The following PPIL6 variants were observed in gnomAD, a reference collection of about 807,000 sequenced individuals.
PPIL6 encodes the protein probable inactive peptidyl-prolyl cis-trans isomerase-like 6.
Under a neutral mutation model 36.8 loss-of-function variants are expected in PPIL6, and 39 were observed. That is an observed-to-expected ratio of 1.06 (90% CI 0.82 to 1.38). The LOEUF (loss-of-function observed/expected upper bound fraction) is 1.38. PPIL6 is among the 40% of genes most tolerant of loss of function. The pLI, the probability that PPIL6 is intolerant of heterozygous loss-of-function variation, is 0.00. For synonymous variants in PPIL6, 123 were observed against 134.1 expected (o/e 0.92, Z 0.57); for missense variants, 368 against 379.1 (o/e 0.97, Z 0.24).
intron 6 of PPIL6, among the ~76,000 whole-genome samples, chr6:109,411,561 C>T (rs1773014801): frequency 6.6e-6 from 1 of 152,232 alleles, no homozygotes; most frequent in Admixed American, 6.5e-5. Context: ...CCAACTATAG[C>T]TGGTCAATTA....
chr6:109,427,559 G>C (rs1000595802), intron 3 of PPIL6, among the ~76,000 whole-genome samples: 1 of 151,968 alleles, frequency 6.6e-6, no homozygotes, highest in Admixed American at 6.6e-5. Context: ...GCTAATTTTT[G>C]TATTTTTGAT....
At chr6:109,438,596 T>TC (rs1774589579) in intron 1 of PPIL6, among the ~76,000 whole-genome samples, 2 of 150,558 alleles carry the variant, frequency 1.3e-5, no homozygotes, top group African/African-American at 4.9e-5. Flanking sequence ...AGTTTTTTGT[T>TC]TTTTTTTTTA....
chr6:109,441,057 C>T (rs946049239), upstream of PPIL6: 1 of 1,555,912 alleles, frequency 6.4e-7, no homozygotes, highest in Non-Finnish European at 8.9e-7. Context: ...GCCGGCCGCC[C>T]CCGTCCCCAC....
intron 2 of PPIL6, among the ~76,000 whole-genome samples, chr6:109,432,502 G>A (rs137952662): frequency 6.6e-6 from 1 of 152,176 alleles, no homozygotes; most frequent in East Asian, 1.9e-4. Flanking sequence ...TCAAACTTTC[G>A]TGGGCAATGA....
intron 6 of PPIL6, among the ~76,000 whole-genome samples, chr6:109,408,121 T>A (rs972088742): frequency 2.0e-5 from 3 of 152,244 alleles, no homozygotes; most frequent in Non-Finnish European, 4.4e-5. Context: ...CCCTGAAGTC[T>A]TGCATGTTGA....
intron 2 of PPIL6, among the ~76,000 whole-genome samples, chr6:109,434,443 G>A (rs1774338240): frequency 6.6e-6 from 1 of 152,132 alleles, no homozygotes. Context: ...GTGTGTGGGT[G>A]TGTGTGTGTC....
At chr6:109,437,633 C>T (rs1159076040) in intron 1 of PPIL6, among the ~76,000 whole-genome samples, 1 of 143,870 alleles carries the variant, frequency 7.0e-6, no homozygotes, top group African/African-American at 2.6e-5. Flanking sequence ...CAGCTCACTG[C>T]AACCTCCGTC....
chr6:109,403,029 A>G (rs1423477509), intron 6 of PPIL6: 2 of 1,525,262 alleles, frequency 1.3e-6, no homozygotes, highest in Admixed American at 4.0e-5. Flanking sequence ...TCGTCTGCTC[A>G]CCTCGGTATT....
At chr6:109,400,400 G>T (rs1772480464) in intron 6 of PPIL6, among the ~76,000 whole-genome samples, 1 of 152,118 alleles carries the variant, frequency 6.6e-6, no homozygotes, top group Admixed American at 6.6e-5. Context: ...GCTTTAGTTT[G>T]TCTTTACCAT....
At chr6:109,402,885 CAAATA>C in intron 6 of PPIL6, 5 of 564,886 alleles carry the variant, frequency 8.9e-6, no homozygotes, top group Non-Finnish European at 1.5e-5. Context: ...TTGTATGCAT[CAAATA>C]AAATGATGTG....
intron 6 of PPIL6, among the ~76,000 whole-genome samples, chr6:109,412,058 A>G (rs370577651): frequency 5.4e-4 from 83 of 152,360 alleles, no homozygotes; most frequent in African/African-American, 1.8e-3. Context: ...GCACCTTTCA[A>G]TCAGACCTGT....
At chr6:109,418,317 T>C (rs879768792) in intron 6 of PPIL6, 1 of 152,762 alleles carries the variant, frequency 6.5e-6, no homozygotes, top group Non-Finnish European at 1.5e-5. Context: ...CCAACCTTCC[T>C]GGGGGCCCCC....
At chr6:109,393,195 C>T (rs528674178) in intron 7 of PPIL6, among the ~76,000 whole-genome samples, 18 of 151,040 alleles carry the variant, frequency 1.2e-4, no homozygotes, top group African/African-American at 4.4e-4. Flanking sequence ...ACCCTCCCCT[C>T]TGTTTTTCTC....
intron 6 of PPIL6, among the ~76,000 whole-genome samples, chr6:109,416,050 G>GGCAGTTGGTGTTTAGGTTA (rs1387752309): frequency 1.3e-5 from 2 of 152,106 alleles, no homozygotes; most frequent in African/African-American, 2.4e-5. Flanking sequence ...CCAAAAGGCT[G>GGCAGTTGGTGTTTAGGTTA]GCAGTTGGTG....
At chr6:109,428,293 G>C (rs1354484764) in intron 3 of PPIL6, among the ~76,000 whole-genome samples, 1 of 152,192 alleles carries the variant, frequency 6.6e-6, no homozygotes, top group Non-Finnish European at 1.5e-5. Context: ...GTTCATGCCT[G>C]TAATCCCAGC....
intron 5 of PPIL6, among the ~76,000 whole-genome samples, chr6:109,422,202 G>C (rs186661423): frequency 9.0e-4 from 137 of 152,266 alleles, no homozygotes; most frequent in African/African-American, 3.2e-3. Context: ...AATTAGCTGG[G>C]CATGGTGGCA....
At chr6:109,438,593 TG>T (rs1016479995) in intron 1 of PPIL6, among the ~76,000 whole-genome samples, 4 of 151,974 alleles carry the variant, frequency 2.6e-5, no homozygotes, top group African/African-American at 4.8e-5. Context: ...AACAGTTTTT[TG>T]TTTTTTTTTT....
At chr6:109,402,140 A>T (rs1419818116) in intron 6 of PPIL6, among the ~76,000 whole-genome samples, 1 of 152,234 alleles carries the variant, frequency 6.6e-6, no homozygotes, top group East Asian at 1.9e-4. Context: ...ACATTTTTAT[A>T]AAAAATTCTG....
chr6:109,418,821 CGT>C (rs1381672714), intron 6 of PPIL6, among the ~76,000 whole-genome samples: 2 of 152,144 alleles, frequency 1.3e-5, no homozygotes, highest in African/African-American at 4.8e-5. Context: ...GGATTATAGG[CGT>C]GAGCCACCAT....
Sources: allele counts gnomAD v4.1 joint callset (sites outside exome capture counted in the v4.1 genomes callset), GRCh38; gene constraint gnomAD v4.1.1; transcripts MANE v1.5; gene names NCBI Gene and HGNC (gene_info 2026-07-23, HGNC 2026-07-21).